The following CD2AP variants were observed in gnomAD, a reference collection of about 807,000 sequenced individuals.
CD2AP encodes CD2 associated protein.
A neutral mutation model predicts 85.1 loss-of-function variants in CD2AP; 46 were observed. The ratio of observed to expected loss-of-function variants is 0.54; its 90% CI spans 0.43 to 0.69. CD2AP has a LOEUF of 0.69. Ranked by LOEUF, CD2AP falls within the 30% of genes least tolerant of loss-of-function variation. The pLI, the probability that CD2AP is intolerant of heterozygous loss-of-function variation, is 0.00. For missense variants in CD2AP, 769 were observed against 729.5 expected (o/e 1.05, Z -0.62); for synonymous variants, 255 against 252.9 (o/e 1.01, Z -0.08).
intron 11 of CD2AP, among the ~76,000 whole-genome samples, chr6:47,587,327 A>C (rs1331952522): frequency 6.6e-6 from 1 of 152,198 alleles, no homozygotes; most frequent in Non-Finnish European, 1.5e-5. Flanking sequence ...GAAAAGAGCT[A>C]CTTAGAAACC....
rs916881800 is a variant in CD2AP, at chr6:47,625,829, G to T, written c.*1602G>T. Reference sequence around the variant, plus strand: ...TACAACTTACATTAGGGGTTTGGGGGAATGCTAATTATATATTGAGAATAT... The same window carrying T: ...TACAACTTACATTAGGGGTTTGGGGTAATGCTAATTATATATTGAGAATAT... On this transcript the variant is annotated 3_prime_UTR_variant, in exon 18 of 18. Transcript: ENST00000359314. 1 of 151,738 alleles carries T rather than the reference G, an allele frequency of 6.6e-6. No homozygotes were observed. Among genetic ancestry groups the T allele is most frequent in the Non-Finnish European group, 1.5e-5 (1 of 67,720 alleles). 9.4% of individuals were successfully genotyped at this position (151,738 alleles called of 1,614,324 possible). A position where few individuals can be genotyped will look rare whatever the true frequency, so the allele number is the denominator to read the frequency against.
chr6:47,552,707 C>T (rs933771135), intron 4 of CD2AP, among the ~76,000 whole-genome samples: 1 of 152,114 alleles, frequency 6.6e-6, no homozygotes, highest in East Asian at 1.9e-4. Context: ...AGGTAATAGA[C>T]AGCTGATGTT....
At chr6:47,487,772 T>C (rs1282439379) in intron 1 of CD2AP, among the ~76,000 whole-genome samples, 4 of 152,210 alleles carry the variant, frequency 2.6e-5, no homozygotes, top group African/African-American at 9.7e-5. Flanking sequence ...TGATCTGAGC[T>C]CATTGATGCT....
intron 2 of CD2AP, among the ~76,000 whole-genome samples, chr6:47,526,145 TTGC>T: frequency 1.3e-5 from 2 of 152,196 alleles, no homozygotes; most frequent in Middle Eastern, 3.2e-3. Flanking sequence ...TAGGTAAAGT[TTGC>T]TATATTAGAT....
At chr6:47,483,364 T>TTAC (rs1765491047) in intron 1 of CD2AP, among the ~76,000 whole-genome samples, 1 of 151,214 alleles carries the variant, frequency 6.6e-6, no homozygotes, top group Non-Finnish European at 1.5e-5. Context: ...CCTTTGGGAG[T>TTAC]GGTATGGTGG....
chr6:47,591,618 T>G (rs1768794032), intron 11 of CD2AP, among the ~76,000 whole-genome samples: 1 of 152,124 alleles, frequency 6.6e-6, no homozygotes, highest in African/African-American at 2.4e-5. Flanking sequence ...ATATTATCAC[T>G]TATTTTTCCA....
chr6:47,554,938 A>G (rs1469768320), intron 5 of CD2AP, among the ~76,000 whole-genome samples, 172 bp downstream of exon 5: 1 of 152,182 alleles, frequency 6.6e-6, no homozygotes, highest in Non-Finnish European at 1.5e-5. Flanking sequence ...TTAAATATCT[A>G]GTCCAATAAT....
At chr6:47,521,457 CAGG>C (rs1766592727) in intron 2 of CD2AP, among the ~76,000 whole-genome samples, 1 of 152,066 alleles carries the variant, frequency 6.6e-6, no homozygotes, top group South Asian at 2.1e-4. Context: ...GAGGCTGAGG[CAGG>C]AGAAGTGCTT....
Position 47,554,722 on chromosome 6 carries a change from A to T in CD2AP, c.497A>T (p.Glu166Val), listed in dbSNP as rs1280386296. ...CCCTCAAATTTTGTGAAAGAATTAG[A>T]GGTAACAGATGATGGTGAAACTCAT... ...LFPSNFVKEL[E>V]VTDDGETHEA... Residue 166 changes from glutamate (E) to valine (V), a missense_variant, in exon 5 of 18, where the codon GAG becomes GTG. Physicochemically the swap from Glu to Val is moderately radical, Grantham distance 121. Coordinates refer to ENST00000359314, the MANE Select transcript of CD2AP (RefSeq NM_012120.3). 1 of 1,613,574 alleles carries T rather than the reference A, an allele frequency of 6.2e-7. No individual in the cohort carries two copies. Among genetic ancestry groups the T allele is most frequent in the Non-Finnish European group, 8.5e-7 (1 of 1,179,642 alleles).
At chr6:47,592,342 A>G (rs973659710) in intron 11 of CD2AP, among the ~76,000 whole-genome samples, 1 of 152,178 alleles carries the variant, frequency 6.6e-6, no homozygotes, top group African/African-American at 2.4e-5. Flanking sequence ...GTAAGCAAAA[A>G]GTAACTGAAA....
chr6:47,573,958 T>C (rs907053121), intron 5 of CD2AP, 106 bp from the exon 6 acceptor site: 3 of 987,032 alleles, frequency 3.0e-6, no homozygotes, highest in South Asian at 1.3e-5. Flanking sequence ...TAATTTTTTT[T>C]CTACTGTGTT....
At position 47,513,841 on chromosome 6, in the gene CD2AP, T is replaced by A. The variant is rs929397903; in HGVS notation, c.165+10401T>A. ...GTCTGATTTCTCTCTCAAGTAATTA[T>A]ACCAATTTAAAAACGTCTGATACCA... is the stretch of plus-strand genomic sequence containing the variant. On this transcript the variant is annotated intron_variant, in intron 2 of 17. Transcript: ENST00000359314. Among the ~76,000 whole-genome samples, 5 of 146,690 alleles carry A rather than the reference T, an allele frequency of 3.4e-5. No homozygotes were observed. In the East Asian group the frequency reaches 1.0e-3, roughly 30 times the overall value.
intron 11 of CD2AP, among the ~76,000 whole-genome samples, chr6:47,590,429 A>G (rs997338134): frequency 6.6e-6 from 1 of 152,182 alleles, no homozygotes; most frequent in Admixed American, 6.5e-5. Flanking sequence ...CAAAAAAGAT[A>G]GAAAATATGG....
chr6:47,516,039 T>A (rs1766444414), intron 2 of CD2AP, among the ~76,000 whole-genome samples: 1 of 152,206 alleles, frequency 6.6e-6, no homozygotes, highest in South Asian at 2.1e-4. Context: ...ATCATTGTGT[T>A]CTGCCTCTAT....
intron 4 of CD2AP, among the ~76,000 whole-genome samples, chr6:47,545,941 C>G (rs1399763796): frequency 1.3e-5 from 2 of 152,110 alleles, no homozygotes; most frequent in Admixed American, 6.5e-5. Context: ...TATGACAAAA[C>G]AAGGTTCTTT....
chr6:47,598,756 G>A (rs1256226881), intron 12 of CD2AP, among the ~76,000 whole-genome samples: 1 of 150,588 alleles, frequency 6.6e-6, no homozygotes, highest in Non-Finnish European at 1.5e-5. Flanking sequence ...TGAGGGGAAA[G>A]GGTGGGAGGG....
rs1765346313 is a variant in CD2AP at position 47,478,010 on chromosome 6, A to G, written c.-235A>G. Reference sequence around the variant, plus strand: ...CCTCCCGCCGCCGTGGCTCCTGGGGAGGCCAGGGGTGAGGAGCTGTCGCCG... The same window carrying G: ...CCTCCCGCCGCCGTGGCTCCTGGGGGGGCCAGGGGTGAGGAGCTGTCGCCG... On this transcript the variant is annotated 5_prime_UTR_variant, in exon 1 of 18. Transcript: ENST00000359314. 4 of 583,362 alleles carry G rather than the reference A, an allele frequency of 6.9e-6. No individual in the cohort carries two copies. In the South Asian group the frequency reaches 8.2e-5, roughly 12 times the overall value. The allele number at this position is 583,362 out of a possible 1,614,324, so 36.1% of individuals were successfully genotyped here.
chr6:47,566,301 A>AATAT (rs71831752), intron 5 of CD2AP, among the ~76,000 whole-genome samples: 29,149 of 109,872 alleles, frequency 0.27, 5,593 homozygotes, highest in East Asian at 0.5. Flanking sequence ...TGCTCATTAG[A>AATAT]ATATATATAT....
intron 11 of CD2AP, among the ~76,000 whole-genome samples, chr6:47,589,121 T>C (rs1160371060): frequency 6.6e-6 from 1 of 152,078 alleles, no homozygotes; most frequent in African/African-American, 2.4e-5. Context: ...ATAGGAAGTA[T>C]GGAATAGAGA....
Sources: gnomAD v4.1 joint callset for allele counts (sites outside exome capture counted in the v4.1 genomes callset) on GRCh38, gnomAD v4.1.1 for gene constraint, MANE v1.5 for transcripts, NCBI Gene and HGNC (gene_info 2026-07-23, HGNC 2026-07-21) for gene names.